Variants in MAST4 observed in about 807,000 individuals in gnomAD.
The protein encoded by MAST4 is microtubule-associated serine/threonine-protein kinase 4.
In MAST4, 89 loss-of-function variants were observed where a neutral mutation model predicts 162.7. The observed-to-expected ratio is 0.55, with a 90% CI of 0.46 to 0.65. The LOEUF (loss-of-function observed/expected upper bound fraction) is 0.65. MAST4 is among the 30% of genes least tolerant of loss of function. The pLI, the probability that MAST4 is intolerant of heterozygous loss-of-function variation, is 0.00. For missense variants in MAST4, 3,153 were observed against 3,374.0 expected (o/e 0.93, Z 1.62); for synonymous variants, 1,479 against 1,361.1 (o/e 1.09, Z -1.91).
chr5:66,861,420 G>A (rs1316437903), intron 3 of MAST4, among the ~76,000 whole-genome samples: 4 of 152,230 alleles, frequency 2.6e-5, no homozygotes, highest in Non-Finnish European at 5.9e-5. Flanking sequence ...ATATCTGACA[G>A]CCCTATGGAG....
Position 67,166,258 on chromosome 5 carries a change from A to G in MAST4, c.7079A>G (p.Gln2360Arg). ...AGACAGACAGACAAAAGCCCGAGTC[A>G]GCCGGCCGCCAACACCGACAGAAGG... ...DNRQTDKSPS[Q>R]PAANTDRRAE... is the part of the protein sequence containing the mutation. The change falls in exon 29 of 29, where the codon CAG (glutamine) becomes CGG (arginine). Residue 2360 changes from glutamine to arginine, a missense_variant. By Grantham distance (43) the Gln-to-Arg change is conservative. Transcript: ENST00000403625. 6.4e-7 allele frequency: 1 copy of G among 1,553,364 alleles called. No homozygotes were observed. The highest frequency in any genetic ancestry group is 8.7e-7 in the Non-Finnish European group (1 of 1,147,908).
At chr5:66,753,974 CT>C (rs1561307810) in intron 1 of MAST4, among the ~76,000 whole-genome samples, 1 of 151,330 alleles carries the variant, frequency 6.6e-6, no homozygotes, top group East Asian at 1.9e-4. Context: ...GGCTTCATCC[CT>C]GGGATGCAAG....
At chr5:67,134,783 TA>T in intron 18 of MAST4, 95 bp downstream of exon 18, 2 of 1,022,238 alleles carry the variant, frequency 2.0e-6, no homozygotes, top group Non-Finnish European at 2.8e-6. Context: ...ACTAAAATGT[TA>T]ACCTTTATCA....
intron 1 of MAST4, among the ~76,000 whole-genome samples, chr5:66,660,534 C>A (rs564012069): frequency 6.6e-5 from 10 of 152,296 alleles, no homozygotes; most frequent in African/African-American, 2.2e-4. Flanking sequence ...CTGACCATAA[C>A]CGGGACTTAC....
intron 5 of MAST4, among the ~76,000 whole-genome samples, chr5:67,078,622 A>T (rs1279064007): frequency 7.0e-6 from 1 of 142,406 alleles, no homozygotes; most frequent in East Asian, 2.0e-4. Context: ...ATATATATTT[A>T]TATATTTATA....
intron 2 of MAST4, among the ~76,000 whole-genome samples, chr5:66,785,849 T>G (rs1033408782): frequency 6.6e-6 from 1 of 152,100 alleles, no homozygotes; most frequent in Admixed American, 6.5e-5. Flanking sequence ...AGTCTAATAA[T>G]TATTTTGTTT....
rs924434497 is a variant in MAST4 at position 67,165,076 on chromosome 5, A to T, written c.5897A>T (p.Glu1966Val). 1.3e-6 allele frequency: 2 copies of T among 1,598,890 alleles called. No individual in the cohort carries two copies. The highest frequency in any genetic ancestry group is 1.7e-6 in the Non-Finnish European group (2 of 1,172,764). ...CCACCTGAAGCTTCCCCCTCAAGGG[A>T]GAAGCCAGGCCTGAGGGAATCGTCT... ...PLPPEASPSR[E>V]KPGLRESSER... is the part of the protein sequence containing the mutation. The change falls in exon 29 of 29, where the codon GAG becomes GTG. Residue 1966 changes from glutamate (E) to valine (V), a missense_variant. Glu to Val is a moderately radical substitution (Grantham distance 121, BLOSUM62 -2). Coordinates refer to ENST00000403625, the MANE Select transcript of MAST4 (RefSeq NM_001164664.2).
At chr5:67,124,173 G>A (rs1767911373) in intron 14 of MAST4, among the ~76,000 whole-genome samples, 1 of 152,172 alleles carries the variant, frequency 6.6e-6, no homozygotes, top group African/African-American at 2.4e-5. Context: ...AGGGTCTTTG[G>A]TTACGTCTTC....
intron 5 of MAST4, among the ~76,000 whole-genome samples, chr5:67,075,806 A>G (rs1009135758): frequency 3.9e-5 from 6 of 152,204 alleles, no homozygotes; most frequent in East Asian, 3.9e-4. Context: ...AAATCATACT[A>G]TGAAATGATT....
chr5:66,636,760 G>A (rs1453423361), intron 1 of MAST4, among the ~76,000 whole-genome samples: 1 of 152,126 alleles, frequency 6.6e-6, no homozygotes, highest in Non-Finnish European at 1.5e-5. Context: ...AGAGAATGTC[G>A]TGCTACCTCC....
chr5:66,886,495 C>A (rs1240664364), intron 3 of MAST4, among the ~76,000 whole-genome samples: 1 of 151,898 alleles, frequency 6.6e-6, no homozygotes, highest in African/African-American at 2.4e-5. Context: ...TTCTCCCCAC[C>A]CCGTTTGTTA....
chr5:66,802,191 A>G (rs1484937236), intron 3 of MAST4, among the ~76,000 whole-genome samples: 1 of 152,144 alleles, frequency 6.6e-6, no homozygotes, highest in Non-Finnish European at 1.5e-5. Flanking sequence ...ATGATTTGCA[A>G]TTTAGATTTT....
intron 3 of MAST4, among the ~76,000 whole-genome samples, chr5:66,867,237 C>T (rs1000658376): frequency 6.6e-6 from 1 of 152,060 alleles, no homozygotes; most frequent in African/African-American, 2.4e-5. Flanking sequence ...TTGTGCCTCT[C>T]CTTTTGATAT....
chr5:66,671,533 A>G (rs143477826), intron 1 of MAST4, among the ~76,000 whole-genome samples: 35 of 152,318 alleles, frequency 2.3e-4, no homozygotes, highest in Admixed American at 7.8e-4. Context: ...CCAATTCTGC[A>G]TTGGAGGATG....
chr5:66,836,171 G>GA (rs36104981), intron 3 of MAST4, among the ~76,000 whole-genome samples: 45 of 148,068 alleles, frequency 3.0e-4, no homozygotes, highest in East Asian at 1.4e-3. Flanking sequence ...ACCCTGTCTG[G>GA]AAAAAAAAAA....
rs1477649833 is a variant in MAST4, at chr5:67,078,942, ATATATATATG to A, written c.764-11219_764-11210del. Among the ~76,000 whole-genome samples, 527 of 99,190 alleles carry A rather than the reference ATATATATATG, an allele frequency of 5.3e-3. 17 individuals are homozygous for A. The highest frequency in any genetic ancestry group is 0.022 in the African/African-American group (465 of 21,202). 65.1% of individuals were successfully genotyped at this position (99,190 alleles called of 152,430 possible). On this transcript the variant is annotated intron_variant, in intron 5 of 28. Transcript: ENST00000403625. The stretch of plus-strand genomic sequence containing the variant: ...TATATATATATATATATATATATAT[ATATATATATG>A]GCAATCTGATGTTATCTGTCAAATT...
intron 5 of MAST4, among the ~76,000 whole-genome samples, chr5:67,086,929 G>A (rs746732172): frequency 6.6e-6 from 1 of 152,232 alleles, no homozygotes; most frequent in Non-Finnish European, 1.5e-5. Flanking sequence ...TAAATTAGCA[G>A]TATTTTGATC....
rs191992062 is a variant in MAST4, at chr5:67,090,027, G to A, written c.764-135G>A. 42 of 667,484 alleles carry A rather than the reference G, an allele frequency of 6.3e-5. No individual in the cohort carries two copies. In the Admixed American group the frequency reaches 9.4e-4, roughly 15 times the overall value. 41.3% of individuals were successfully genotyped at this position (667,484 alleles called of 1,614,324 possible). ...GCCCACCCCACCATCCCTGGTCCAG[G>A]TAAAACTAAAGCATTATTGGAGGAA... On this transcript the variant is annotated intron_variant, in intron 5 of 28. Coordinates refer to ENST00000403625, the MANE Select transcript of MAST4 (RefSeq NM_001164664.2).
chr5:66,932,680 G>A (rs1020101994), intron 4 of MAST4, among the ~76,000 whole-genome samples: 5 of 152,164 alleles, frequency 3.3e-5, no homozygotes, highest in African/African-American at 4.8e-5. Flanking sequence ...TTAGCTATGC[G>A]TGGGTCATGG....
Sources: gnomAD v4.1 joint callset for allele counts (sites outside exome capture counted in the v4.1 genomes callset) on GRCh38, gnomAD v4.1.1 for gene constraint, MANE v1.5 for transcripts, NCBI Gene and HGNC (gene_info 2026-07-23, HGNC 2026-07-21) for gene names.